CRADD: variants seen among roughly 807,000 people sequenced by gnomAD.
CRADD encodes the protein CARD and death domain containing adaptor protein, also known as death domain-containing protein CRADD.
CRADD carries 9 observed loss-of-function variants against 15.5 expected under a neutral mutation model. The observed-to-expected ratio is 0.58, with a 90% CI of 0.35 to 1.01. CRADD has a LOEUF of 1.01. Among genes scored for constraint, CRADD ranks in the 50% least tolerant of loss-of-function variants. The pLI is 0.02. For missense variants in CRADD, 227 were observed against 250.3 expected (o/e 0.91, Z 0.63); for synonymous variants, 118 against 107.6 (o/e 1.10, Z -0.60).
intron 2 of CRADD, among the ~76,000 whole-genome samples, chr12:93,744,223 C>T (rs1358165414): frequency 1.3e-5 from 2 of 152,194 alleles, no homozygotes; most frequent in African/African-American, 2.4e-5. Flanking sequence ...ACCTGTAGGC[C>T]TTCCAGGGGA....
At chr12:93,749,647 A>C (rs1956808577) in intron 2 of CRADD, among the ~76,000 whole-genome samples, 1 of 152,162 alleles carries the variant, frequency 6.6e-6, no homozygotes. Context: ...TTAATTAAAG[A>C]ATATGTGAGC....
At chr12:93,888,640 G>A (rs772816987) in intron 2 of CRADD, among the ~76,000 whole-genome samples, 1 of 152,120 alleles carries the variant, frequency 6.6e-6, no homozygotes, top group Non-Finnish European at 1.5e-5. Flanking sequence ...GCAGGGTGGT[G>A]GGGTGTGGGA....
At chr12:93,787,326 T>G (rs1382473426) in intron 2 of CRADD, among the ~76,000 whole-genome samples, 1 of 150,258 alleles carries the variant, frequency 6.7e-6, no homozygotes, top group Non-Finnish European at 1.5e-5. Context: ...TTTTTTTTTT[T>G]TTTTAATATC....
chr12:93,798,915 C>T (rs780522935), intron 2 of CRADD, among the ~76,000 whole-genome samples: 2 of 152,098 alleles, frequency 1.3e-5, no homozygotes, highest in Non-Finnish European at 2.9e-5. Flanking sequence ...CATGCCAGTC[C>T]ACGCCCTGTA....
At chr12:93,795,522 A>G (rs1019242390) in intron 2 of CRADD, among the ~76,000 whole-genome samples, 3 of 152,180 alleles carry the variant, frequency 2.0e-5, no homozygotes, top group African/African-American at 4.8e-5. Context: ...CTTCCCTTAC[A>G]GTATTTGGAC....
At chr12:93,741,199 T>C (rs552340623) in intron 2 of CRADD, among the ~76,000 whole-genome samples, 18 of 152,354 alleles carry the variant, frequency 1.2e-4, no homozygotes, top group African/African-American at 4.1e-4. Context: ...GATGCAATGA[T>C]TTTGTCTGAC....
intron 2 of CRADD, among the ~76,000 whole-genome samples, chr12:93,796,896 A>T (rs1435443041): frequency 6.6e-6 from 1 of 152,120 alleles, no homozygotes; most frequent in Non-Finnish European, 1.5e-5. Flanking sequence ...GCTCACGTGC[A>T]TCTTAGGCTG....
chr12:93,697,532 G>A (rs115338822), intron 2 of CRADD, among the ~76,000 whole-genome samples: 1,666 of 152,206 alleles, frequency 0.011, 29 homozygotes, highest in African/African-American at 0.038. Flanking sequence ...GCCAGTTTTC[G>A]TATTTCAAAA....
At position 93,735,825 on chromosome 12, in the gene CRADD, A is replaced by T. The variant is rs539876748; in HGVS notation, c.298+56753A>T. 3.3e-5 allele frequency: 5 copies of T among 152,260 alleles called. No homozygotes were observed. In the South Asian group the frequency reaches 1.0e-3, roughly 32 times the overall value. The allele number at this position is 152,260 out of a possible 1,614,324, so 9.4% of individuals were successfully genotyped here. On this transcript the variant is annotated intron_variant, in intron 2 of 2. Coordinates refer to ENST00000332896, the MANE Select transcript of CRADD (RefSeq NM_003805.5). ...ACCAGAGACACCTAGGTTAAAACTG[A>T]TTTAAAATGAGAATAATTATTCCTA...
chr12:93,839,024 C>T (rs905894839), intron 2 of CRADD, among the ~76,000 whole-genome samples: 5 of 152,228 alleles, frequency 3.3e-5, no homozygotes, highest in Non-Finnish European at 7.4e-5. Context: ...CCACCCGCCT[C>T]GACCTCCCAA....
rs536003258 is a variant in CRADD, at chr12:93,844,296, A to G, written c.299-5674A>G. ...ATGTAGTATATCCTTGAGAGTTGAC[A>G]TCCTTGGGACTCTCATTTTTAAGTA... On this transcript the variant is annotated intron_variant, in intron 2 of 2. Transcript: ENST00000332896. Among the ~76,000 whole-genome samples the G allele has an allele frequency of 5.9e-5, 9 of 152,288 alleles. No individual in the cohort carries two copies. In the East Asian group the frequency reaches 1.2e-3, roughly 20 times the overall value.
intron 2 of CRADD, among the ~76,000 whole-genome samples, chr12:93,743,505 TTTTTTAGTAAAGA>T (rs1956709377): frequency 6.6e-6 from 1 of 152,174 alleles, no homozygotes; most frequent in South Asian, 2.1e-4. Flanking sequence ...AAGTTTTGTA[TTTTTTAGTAAAGA>T]TTTGGTTTCG....
chr12:93,792,510 C>G (rs10859586), intron 2 of CRADD, among the ~76,000 whole-genome samples: 30,313 of 152,008 alleles, frequency 0.2, 3,792 homozygotes, highest in African/African-American at 0.35. Context: ...GTATTTAGAT[C>G]TACCACTTAG....
intron 2 of CRADD, among the ~76,000 whole-genome samples, chr12:93,884,745 G>C (rs1277853094): frequency 6.6e-6 from 1 of 152,152 alleles, no homozygotes; most frequent in African/African-American, 2.4e-5. Context: ...TCCCAGTCGA[G>C]TGACAAGAAC....
Position 93,751,460 on chromosome 12 carries a change from A to G in CRADD, c.298+72388A>G, listed in dbSNP as rs190945984. Among the ~76,000 whole-genome samples, 491 of 152,362 alleles carry G rather than the reference A, an allele frequency of 3.2e-3. 3 individuals carry two copies. Among genetic ancestry groups the G allele is most frequent in the African/African-American group, 0.011 (462 of 41,582 alleles). On this transcript the variant is annotated intron_variant, in intron 2 of 2. Transcript: ENST00000332896. Reference sequence around the variant, plus strand: ...TATTTTGAACAGATGACACATAAAGACAAAAACTAAGGAAGCAAAACATAG... The same window carrying G: ...TATTTTGAACAGATGACACATAAAGGCAAAAACTAAGGAAGCAAAACATAG...
chr12:93,785,222 A>G (rs1346027278), intron 2 of CRADD, among the ~76,000 whole-genome samples: 1 of 152,108 alleles, frequency 6.6e-6, no homozygotes, highest in African/African-American at 2.4e-5. Flanking sequence ...ATTTAATTTG[A>G]TAAACTTAGT....
chr12:93,818,602 C>T (rs950878707), intron 2 of CRADD, among the ~76,000 whole-genome samples: 1 of 152,048 alleles, frequency 6.6e-6, no homozygotes, highest in South Asian at 2.1e-4. Flanking sequence ...GCAGAGGAGG[C>T]ATGCAGGGGT....
chr12:93,789,565 G>A (rs1400597205), intron 2 of CRADD, among the ~76,000 whole-genome samples: 1 of 152,166 alleles, frequency 6.6e-6, no homozygotes, highest in Non-Finnish European at 1.5e-5. Flanking sequence ...ATTGGAAGCA[G>A]CTCAGTGTTT....
chr12:93,767,727 G>C (rs1957040833), intron 2 of CRADD, among the ~76,000 whole-genome samples: 1 of 152,130 alleles, frequency 6.6e-6, no homozygotes, highest in Non-Finnish European at 1.5e-5. Flanking sequence ...CACCCTCTTA[G>C]AGGAAGGCAG....
Sources: allele counts gnomAD v4.1 joint callset (sites outside exome capture counted in the v4.1 genomes callset), GRCh38; gene constraint gnomAD v4.1.1; transcripts MANE v1.5; gene names NCBI Gene and HGNC (gene_info 2026-07-23, HGNC 2026-07-21).